The following FARSB variants were observed in gnomAD, a reference collection of about 807,000 sequenced individuals.
The protein encoded by FARSB is phenylalanine--tRNA ligase beta subunit.
A neutral mutation model predicts 69.6 loss-of-function variants in FARSB; 40 were observed. The ratio of observed to expected loss-of-function variants is 0.57; its 90% CI spans 0.45 to 0.75. FARSB has a LOEUF of 0.75. Ranked by LOEUF, FARSB falls within the 30% of genes least tolerant of loss-of-function variation. FARSB has a pLI of 0.00. For missense variants in FARSB, 632 were observed against 722.9 expected (o/e 0.87, Z 1.44); for synonymous variants, 235 against 247.2 (o/e 0.95, Z 0.46).
chr2:222,574,636 A>G (rs994985681), intron 16 of FARSB, among the ~76,000 whole-genome samples: 2 of 152,200 alleles, frequency 1.3e-5, no homozygotes, highest in Admixed American at 6.5e-5. Context: ...ACCAACCCAC[A>G]TGTAAAAATG....
intron 16 of FARSB, among the ~76,000 whole-genome samples, chr2:222,599,095 AC>A (rs569083010): frequency 1.3e-3 from 204 of 152,112 alleles, no homozygotes; most frequent in African/African-American, 4.3e-3. Context: ...AAAGAAAAAA[AC>A]ATATTACCCC....
chr2:222,586,674 CA>C (rs1690121510), intron 16 of FARSB, among the ~76,000 whole-genome samples: 1 of 151,886 alleles, frequency 6.6e-6, no homozygotes, highest in Admixed American at 6.6e-5. Context: ...ATCTACCAAG[CA>C]AATGGAAAAC....
At chr2:222,578,831 A>T (rs1689898881) in intron 16 of FARSB, among the ~76,000 whole-genome samples, 1 of 146,380 alleles carries the variant, frequency 6.8e-6, no homozygotes, top group Non-Finnish European at 1.5e-5. Context: ...ATACAAAAAA[A>T]ATTAGCCAGG....
In FARSB at chr2:222,632,842, A is replaced by AC. The variant is rs201359411; in HGVS notation, c.715+356_715+357insG. On this transcript the variant is annotated intron_variant, in intron 7 of 16. Transcript: ENST00000281828. ...AACAAAACAAAAAACAACAACAACA[A>AC]AAAAAAAAAACAAAAGAAAAAAAAC... Among the ~76,000 whole-genome samples, 784 of 147,444 alleles carry AC rather than the reference A, an allele frequency of 5.3e-3. 3 individuals are homozygous for AC. The highest frequency in any genetic ancestry group is 0.018 in the African/African-American group (734 of 40,806).
chr2:222,643,421 G>A (rs908536858), intron 2 of FARSB, among the ~76,000 whole-genome samples: 4 of 152,078 alleles, frequency 2.6e-5, no homozygotes, highest in Non-Finnish European at 5.9e-5. Context: ...AGACTATAGA[G>A]CCAAAAAGCC....
intron 16 of FARSB, among the ~76,000 whole-genome samples, chr2:222,572,337 C>T (rs909031797): frequency 2.0e-5 from 3 of 152,062 alleles, no homozygotes; most frequent in African/African-American, 7.2e-5. Flanking sequence ...GGGAACTCTG[C>T]CTGCACTTGG....
intron 2 of FARSB, among the ~76,000 whole-genome samples, chr2:222,645,501 T>G (rs7593356): frequency 0.11 from 16,567 of 152,186 alleles, 982 homozygotes; most frequent in Non-Finnish European, 0.12. Context: ...CCTGAACATT[T>G]TTTAACTTTA....
chr2:222,635,260 G>A (rs922693702), intron 5 of FARSB, among the ~76,000 whole-genome samples: 1 of 152,142 alleles, frequency 6.6e-6, no homozygotes. Flanking sequence ...TACCAGGAAA[G>A]GACACAAGTT....
intron 1 of FARSB, among the ~76,000 whole-genome samples, chr2:222,650,766 T>C (rs1334392708): frequency 6.6e-6 from 1 of 152,132 alleles, no homozygotes; most frequent in African/African-American, 2.4e-5. Context: ...AGCCTTGAAA[T>C]GACAGCAACC....
intron 16 of FARSB, among the ~76,000 whole-genome samples, chr2:222,574,539 T>C (rs544830045): frequency 1.3e-5 from 2 of 152,234 alleles, no homozygotes; most frequent in South Asian, 4.2e-4. Context: ...GCTGCCCTCT[T>C]GTCCAATACT....
At chr2:222,587,273 A>C (rs929244937) in intron 16 of FARSB, among the ~76,000 whole-genome samples, 4 of 152,218 alleles carry the variant, frequency 2.6e-5, no homozygotes, top group Non-Finnish European at 5.9e-5. Context: ...TACCTAACGA[A>C]ATGAAGTCAT....
intron 15 of FARSB, among the ~76,000 whole-genome samples, chr2:222,603,354 T>C: frequency 6.6e-6 from 1 of 152,104 alleles, no homozygotes; most frequent in Non-Finnish European, 1.5e-5. Flanking sequence ...CTTCTAGATA[T>C]CCAAGTAAAA....
intron 2 of FARSB, among the ~76,000 whole-genome samples, chr2:222,646,174 A>C (rs1452464718): frequency 1.3e-5 from 2 of 152,234 alleles, no homozygotes; most frequent in African/African-American, 4.8e-5. Context: ...TCCATAATCC[A>C]TCCTGTACTA....
chr2:222,626,892 C>T (rs1233817440), intron 10 of FARSB, among the ~76,000 whole-genome samples: 3 of 151,826 alleles, frequency 2.0e-5, no homozygotes, highest in Non-Finnish European at 2.9e-5. Context: ...AAAAATTAGC[C>T]GGGCGTGGTG....
At chr2:222,650,995 G>A (rs1692022702) in intron 1 of FARSB, among the ~76,000 whole-genome samples, 1 of 152,198 alleles carries the variant, frequency 6.6e-6, no homozygotes, top group South Asian at 2.1e-4. Flanking sequence ...TTAGTCCCTG[G>A]AAGTGGTGTA....
At position 222,567,756 on chromosome 2, in the gene FARSB, A is replaced by G. The variant is rs1485183864; in HGVS notation, c.*4115T>C. ...ATGCATCTCTGAATGTGTCTGTCAA[A>G]TGTGGATATTTATACAGTCTTGCAC... On this transcript the variant is annotated 3_prime_UTR_variant, in exon 17 of 17. Transcript: ENST00000281828. 6.6e-6 allele frequency: 1 copy of G among 152,210 alleles called. No individual in the cohort carries two copies. The highest frequency in any genetic ancestry group is 6.5e-5 in the Admixed American group (1 of 15,286). 9.4% of individuals were successfully genotyped at this position (152,210 alleles called of 1,614,324 possible). A position where few individuals can be genotyped will look rare whatever the true frequency, so the allele number is the denominator to read the frequency against.
intron 15 of FARSB, among the ~76,000 whole-genome samples, chr2:222,606,422 G>C (rs114693774): frequency 2.0e-5 from 3 of 152,102 alleles, no homozygotes; most frequent in African/African-American, 7.2e-5. Flanking sequence ...CCAAAGCTGG[G>C]GTTTGTTGGA....
rs1020919501 is a variant in FARSB at position 222,633,057 on chromosome 2, G to A, written c.715+142C>T. The A allele has an allele frequency of 6.6e-6, 4 of 607,950 alleles. No homozygotes were observed. The East Asian group carries it at 1.2e-4, about 18-fold the overall frequency. The allele number at this position is 607,950 out of a possible 1,614,324, so 37.7% of individuals were successfully genotyped here. The stretch of plus-strand genomic sequence containing the variant: ...TGTTGAATAAATGAATGAAAAGAAT[G>A]ATTAGAATCTACAAAAGACCTGAGA... On this transcript the variant is annotated intron_variant, in intron 7 of 16. Coordinates refer to ENST00000281828, the MANE Select transcript of FARSB (RefSeq NM_005687.5).
rs1012883095 is a variant in FARSB, at chr2:222,636,284, G to A, written c.456-1743C>T. On this transcript the variant is annotated intron_variant, in intron 5 of 16. Coordinates refer to ENST00000281828, the MANE Select transcript of FARSB (RefSeq NM_005687.5). ...AGCCAGATGTGGTTGGCGGGCGCCT[G>A]TAGTCCCAGCTACCCAGGAGGCTGA... Among the ~76,000 whole-genome samples the A allele has an allele frequency of 5.3e-5, 8 of 150,040 alleles. No individual in the cohort carries two copies. In the East Asian group the frequency reaches 1.6e-3, roughly 29 times the overall value.
Sources: allele counts gnomAD v4.1 joint callset (sites outside exome capture counted in the v4.1 genomes callset), GRCh38; gene constraint gnomAD v4.1.1; transcripts MANE v1.5; gene names NCBI Gene and HGNC (gene_info 2026-07-23, HGNC 2026-07-21).